Variants in AIG1 observed in about 807,000 individuals in gnomAD.
AIG1 encodes androgen-induced gene 1 protein.
AIG1 carries 23 observed loss-of-function variants against 31.4 expected under a neutral mutation model. The observed-to-expected ratio is 0.73, with a 90% CI of 0.53 to 1.04. The LOEUF is 1.04. Ranked by LOEUF, AIG1 falls within the 50% of genes least tolerant of loss-of-function variation. AIG1 has a pLI of 0.00. For missense variants in AIG1, 274 were observed against 295.0 expected (o/e 0.93, Z 0.52); for synonymous variants, 100 against 110.5 (o/e 0.90, Z 0.60).
intron 3 of AIG1, among the ~76,000 whole-genome samples, chr6:143,260,507 C>T (rs1795696634): frequency 6.6e-6 from 1 of 152,152 alleles, no homozygotes; most frequent in African/African-American, 2.4e-5. Flanking sequence ...CTGTTGGGTC[C>T]ACTTAGTTCC....
At chr6:143,074,763 T>G (rs1007791068) in intron 1 of AIG1, among the ~76,000 whole-genome samples, 1 of 152,222 alleles carries the variant, frequency 6.6e-6, no homozygotes, top group Non-Finnish European at 1.5e-5. Flanking sequence ...TGGATTTAAT[T>G]TGCTAATATT....
At chr6:143,214,472 T>C (rs1791845353) in intron 3 of AIG1, among the ~76,000 whole-genome samples, 1 of 152,186 alleles carries the variant, frequency 6.6e-6, no homozygotes, top group Non-Finnish European at 1.5e-5. Flanking sequence ...AGCTGTTGGG[T>C]GAGTGGATCT....
rs908780474 is a variant in AIG1, at chr6:143,189,015, T to C, written c.399+23832T>C. The C allele has an allele frequency of 4.1e-6, 4 of 984,106 alleles. No homozygotes were observed. In the African/African-American group the frequency reaches 5.2e-5, roughly 13 times the overall value. 61.0% of individuals were successfully genotyped at this position (984,106 alleles called of 1,614,324 possible). ...GTCAAAGTTATAGATTATAACTGTT[T>C]GCACAACTGTTCACATTTTTAACTT... On this transcript the variant is annotated intron_variant, in intron 3 of 5. Coordinates refer to ENST00000357847, the MANE Select transcript of AIG1 (RefSeq NM_016108.4).
intron 4 of AIG1, among the ~76,000 whole-genome samples, chr6:143,312,487 G>A (rs1775375170): frequency 6.6e-6 from 1 of 151,978 alleles, no homozygotes; most frequent in Non-Finnish European, 1.5e-5. Context: ...AAATGTTGCT[G>A]GGAAAACCGG....
intron 1 of AIG1, chr6:143,061,278 G>A (rs1178211767): frequency 2.9e-6 from 2 of 695,874 alleles, no homozygotes; most frequent in East Asian, 3.0e-5. Flanking sequence ...CCGTTACCTG[G>A]TAGCTGGGTA....
intron 2 of AIG1, among the ~76,000 whole-genome samples, chr6:143,151,904 A>G (rs1194869034): frequency 6.6e-6 from 1 of 152,186 alleles, no homozygotes; most frequent in African/African-American, 2.4e-5. Flanking sequence ...CACAGTAGGG[A>G]TTGACTGGCT....
intron 3 of AIG1, among the ~76,000 whole-genome samples, chr6:143,177,163 A>G (rs1370473573): frequency 6.6e-6 from 1 of 152,192 alleles, no homozygotes; most frequent in Non-Finnish European, 1.5e-5. Flanking sequence ...TTTTAATGAT[A>G]TCTATTTTTA....
chr6:143,138,189 T>C (rs1019072281), intron 2 of AIG1, among the ~76,000 whole-genome samples: 1 of 152,228 alleles, frequency 6.6e-6, no homozygotes, highest in African/African-American at 2.4e-5. Flanking sequence ...CCTTGTCCTC[T>C]GAAAACTTAA....
intron 1 of AIG1, among the ~76,000 whole-genome samples, chr6:143,069,899 A>G (rs1391589617): frequency 6.6e-6 from 1 of 151,912 alleles, no homozygotes; most frequent in African/African-American, 2.4e-5. Context: ...TTTTTCTGGT[A>G]TATGTTGTGC....
At chr6:143,225,741 G>A (rs1022976332) in intron 3 of AIG1, among the ~76,000 whole-genome samples, 1 of 152,134 alleles carries the variant, frequency 6.6e-6, no homozygotes, top group African/African-American at 2.4e-5. Flanking sequence ...TACAACTCAG[G>A]TATTGGAAAA....
chr6:143,096,842 T>A (rs1264033834), intron 1 of AIG1, among the ~76,000 whole-genome samples: 1 of 152,238 alleles, frequency 6.6e-6, no homozygotes, highest in Non-Finnish European at 1.5e-5. Context: ...TTAATAGGAC[T>A]GTGTCATTGA....
At chr6:143,232,359 C>T (rs191106578) in intron 3 of AIG1, among the ~76,000 whole-genome samples, 1 of 152,138 alleles carries the variant, frequency 6.6e-6, no homozygotes, top group Non-Finnish European at 1.5e-5. Context: ...TGTGGACACC[C>T]TGAGGCTCAG....
intron 1 of AIG1, among the ~76,000 whole-genome samples, chr6:143,086,051 C>T (rs1481480343): frequency 6.6e-6 from 1 of 152,230 alleles, no homozygotes; most frequent in Non-Finnish European, 1.5e-5. Flanking sequence ...GTGAGGTGTG[C>T]TCACAATGAG....
At chr6:143,187,720 A>G (rs1583456536) in intron 3 of AIG1, 3 of 1,535,894 alleles carry the variant, frequency 2.0e-6, no homozygotes, top group Non-Finnish European at 2.6e-6. Context: ...TTGCTCCAGC[A>G]ATGACTAAAG....
At chr6:143,302,203 T>G (rs1399761753) in intron 4 of AIG1, among the ~76,000 whole-genome samples, 1 of 151,754 alleles carries the variant, frequency 6.6e-6, no homozygotes, top group Non-Finnish European at 1.5e-5. Context: ...TTTTTATTTT[T>G]TTCTTTCTTT....
At chr6:143,095,839 T>C (rs183344002) in intron 1 of AIG1, among the ~76,000 whole-genome samples, 1 of 151,870 alleles carries the variant, frequency 6.6e-6, no homozygotes, top group African/African-American at 2.4e-5. Context: ...ATGTCACTAA[T>C]TTGCAGACTA....
chr6:143,082,822 T>G (rs763854614), intron 1 of AIG1, among the ~76,000 whole-genome samples: 1 of 152,192 alleles, frequency 6.6e-6, no homozygotes, highest in African/African-American at 2.4e-5. Flanking sequence ...CTGTGACATA[T>G]AAAGAAAAGT....
intron 3 of AIG1, among the ~76,000 whole-genome samples, chr6:143,238,632 C>T (rs1344157791): frequency 6.6e-6 from 1 of 152,136 alleles, no homozygotes; most frequent in Non-Finnish European, 1.5e-5. Context: ...AGTGAATAGA[C>T]AATTAACAGT....
intron 3 of AIG1, chr6:143,190,635 C>T: frequency 3.0e-6 from 3 of 984,556 alleles, no homozygotes; most frequent in Non-Finnish European, 3.6e-6. Flanking sequence ...TCCAGTTGAA[C>T]AGGGGCCTTC....
Sources: gnomAD v4.1 joint callset for allele counts (sites outside exome capture counted in the v4.1 genomes callset) on GRCh38, gnomAD v4.1.1 for gene constraint, MANE v1.5 for transcripts, NCBI Gene and HGNC (gene_info 2026-07-23, HGNC 2026-07-21) for gene names.